OR5AN1: variants seen among roughly 807,000 people sequenced by gnomAD.
The protein encoded by OR5AN1 is olfactory receptor 5AN1.
For synonymous variants in OR5AN1, 167 were observed against 131.8 expected (o/e 1.27, Z -1.83); for missense variants, 476 against 368.9 (o/e 1.29, Z -2.38).
Position 59,365,017 on chromosome 11 carries a change from A to T in OR5AN1, c.559A>T (p.Ile187Phe), listed in dbSNP as rs754429689. The change falls in exon 2 of 2, where the codon ATC becomes TTC. Residue 187 changes from isoleucine to phenylalanine, a missense_variant. Coordinates refer to ENST00000641998, the MANE Select transcript of OR5AN1 (RefSeq NM_001004729.2). Reference sequence around the variant, plus strand: ...CTTCTGTGACATGCCCCAACTGTTAATCTTGTCCTGTACTGACACTTTCTT... The same window carrying T: ...CTTCTGTGACATGCCCCAACTGTTATTCTTGTCCTGTACTGACACTTTCTT... Reference protein sequence around the residue: ...HFFCDMPQLLILSCTDTFFVQ... With the variant: ...HFFCDMPQLLFLSCTDTFFVQ... The T allele has an allele frequency of 3.1e-6, 5 of 1,614,092 alleles. No individual in the cohort carries two copies. The highest frequency in any genetic ancestry group is 1.7e-5 in the Admixed American group (1 of 60,010).
At chr11:59,362,036 A>G (rs1857470557) in intron 1 of OR5AN1, among the ~76,000 whole-genome samples, 1 of 150,848 alleles carries the variant, frequency 6.6e-6, no homozygotes, top group Non-Finnish European at 1.5e-5. Flanking sequence ...AGAGCGGGGG[A>G]TTGGAGAGAG....
chr11:59,362,223 C>G (rs964447468), intron 1 of OR5AN1, among the ~76,000 whole-genome samples: 1 of 152,160 alleles, frequency 6.6e-6, no homozygotes, highest in South Asian at 2.1e-4. Context: ...CTATTTTCCC[C>G]CATTCATCAA....
rs1441363847 is a variant in OR5AN1, at chr11:59,368,003, C to A, written c.*2609C>A. The A allele has an allele frequency of 6.6e-6, 1 of 152,310 alleles. No homozygotes were observed. Among genetic ancestry groups the A allele is most frequent in the Non-Finnish European group, 1.5e-5 (1 of 68,114 alleles). The allele number at this position is 152,310 out of a possible 1,614,324, so 9.4% of individuals were successfully genotyped here. ...ACACAGCACAGCTGTTCTACCAAAA[C>A]GTGGCCAGACTGCTTTTTCAAGTGG... On this transcript the variant is annotated 3_prime_UTR_variant, in exon 2 of 2. Transcript: ENST00000641998.
chr11:59,362,255 T>C (rs997241828), intron 1 of OR5AN1, among the ~76,000 whole-genome samples: 12 of 152,228 alleles, frequency 7.9e-5, no homozygotes, highest in African/African-American at 2.9e-4. Context: ...ATATGCTTTA[T>C]GTAAGAGTTT....
chr11:59,361,965 G>C (rs1220456536), intron 1 of OR5AN1, among the ~76,000 whole-genome samples: 1 of 151,690 alleles, frequency 6.6e-6, no homozygotes, highest in Non-Finnish European at 1.5e-5. Flanking sequence ...TAAATGGTTT[G>C]TAAGGAGTGT....
chr11:59,368,157 C>T lies in OR5AN1; in HGVS notation c.*2763C>T, dbSNP rs1266005525. The T allele has an allele frequency of 6.6e-6, 1 of 152,310 alleles. No individual in the cohort carries two copies. Among genetic ancestry groups the T allele is most frequent in the African/African-American group, 2.4e-5 (1 of 41,456 alleles). The allele number at this position is 152,310 out of a possible 1,614,324, so 9.4% of individuals were successfully genotyped here. A position where few individuals can be genotyped will look rare whatever the true frequency, so the allele number is the denominator to read the frequency against. Reference sequence around the variant, plus strand: ...CAAAGCTCTCAGAGGAAGGGACAAGCCACTGTCTTTGCTGTTTCACAGCCT... The same window carrying T: ...CAAAGCTCTCAGAGGAAGGGACAAGTCACTGTCTTTGCTGTTTCACAGCCT... On this transcript the variant is annotated 3_prime_UTR_variant, in exon 2 of 2. Transcript: ENST00000641998.
Position 59,359,143 on chromosome 11 carries a change from C to CA in OR5AN1, c.-142dup, listed in dbSNP as rs1337747936. 1.3e-5 allele frequency: 2 copies of CA among 152,212 alleles called. No homozygotes were observed. The allele number at this position is 152,212 out of a possible 1,614,324, so 9.4% of individuals were successfully genotyped here. A position where few individuals can be genotyped will look rare whatever the true frequency, so the allele number is the denominator to read the frequency against. ...CACATGGAACAGAGTTTATGGTCCTCAGTCTCTCTCATTCTTCAACTCTTC... is the reference window on the plus strand; with the variant it reads ...CACATGGAACAGAGTTTATGGTCCTCAAGTCTCTCTCATTCTTCAACTCTTC... On this transcript the variant is annotated 5_prime_UTR_variant, in exon 1 of 2. The change abolishes the stop of an existing upstream ORF in the 5' untranslated region. Transcript: ENST00000641998.
rs1236198449 is a variant in OR5AN1 at position 59,370,498 on chromosome 11, T to A, written c.*5104T>A. The A allele has an allele frequency of 1.3e-5, 2 of 152,214 alleles. No individual in the cohort carries two copies. The highest frequency in any genetic ancestry group is 2.9e-5 in the Non-Finnish European group (2 of 68,042). The allele number at this position is 152,214 out of a possible 1,614,324, so 9.4% of individuals were successfully genotyped here. ...TTGTAAAAATTTCTATTCTAACCAA[T>A]TAATGTATGAATTATGTGAAATACC... On this transcript the variant is annotated 3_prime_UTR_variant, in exon 2 of 2. Transcript: ENST00000641998.
Position 59,365,339 on chromosome 11 carries a change from G to T in OR5AN1, c.881G>T (p.Arg294Met). The T allele has an allele frequency of 6.2e-7, 1 of 1,609,682 alleles. No individual in the cohort carries two copies. Residue 294 changes from arginine to methionine, a missense_variant, in exon 2 of 2, where the codon AGG becomes ATG. Coordinates refer to ENST00000641998, the MANE Select transcript of OR5AN1 (RefSeq NM_001004729.2). ...PMLNPLIYSL[R>M]NKEIKDALKR... The stretch of plus-strand genomic sequence containing the variant: ...TTAAATCCCTTGATTTACAGTTTGA[G>T]GAACAAAGAAATTAAAGATGCCTTA...
At position 59,366,669 on chromosome 11, in the gene OR5AN1, A is replaced by G. The variant is rs1041813521; in HGVS notation, c.*1275A>G. On this transcript the variant is annotated 3_prime_UTR_variant, in exon 2 of 2. Coordinates refer to ENST00000641998, the MANE Select transcript of OR5AN1 (RefSeq NM_001004729.2). ...CTCATTTGTAAAATTGAGATATTAT[A>G]TATCTATTTTGGAGTTGTTTAGGAT... The G allele has an allele frequency of 5.3e-5, 8 of 152,232 alleles. No individual in the cohort carries two copies. The highest frequency in any genetic ancestry group is 3.3e-4 in the Admixed American group (5 of 15,284). 9.4% of individuals were successfully genotyped at this position (152,232 alleles called of 1,614,324 possible). A position where few individuals can be genotyped will look rare whatever the true frequency, so the allele number is the denominator to read the frequency against.
intron 1 of OR5AN1, among the ~76,000 whole-genome samples, chr11:59,363,824 A>T (rs1009278482): frequency 2.0e-5 from 3 of 152,184 alleles, no homozygotes; most frequent in African/African-American, 7.2e-5. Flanking sequence ...GAGCAGCAGC[A>T]TGATCTCACC....
rs1857508241 is a variant in OR5AN1 at position 59,364,987 on chromosome 11, C to T, written c.529C>T (p.His177Tyr). 1 of 1,614,044 alleles carries T rather than the reference C, an allele frequency of 6.2e-7. No homozygotes were observed. The highest frequency in any genetic ancestry group is 1.7e-5 in the Admixed American group (1 of 60,000). The change falls in exon 2 of 2, where the codon CAT (histidine) becomes TAT (tyrosine). Residue 177 changes from histidine to tyrosine, a missense_variant. Transcript: ENST00000641998. The part of the protein sequence containing the change: ...LHFCGSNVIR[H>Y]FFCDMPQLLI... ...CTTCTGTGGGTCTAATGTCATCAGA[C>T]ATTTCTTCTGTGACATGCCCCAACT...
chr11:59,365,444 TA>T lies in OR5AN1; in HGVS notation c.*52del. 9.0e-7 allele frequency: 1 copy of T among 1,116,210 alleles called. No individual in the cohort carries two copies. Among genetic ancestry groups the T allele is most frequent in the Non-Finnish European group, 1.3e-6 (1 of 779,384 alleles). The allele number at this position is 1,116,210 out of a possible 1,614,324, so 69.1% of individuals were successfully genotyped here. On this transcript the variant is annotated 3_prime_UTR_variant, in exon 2 of 2. Transcript: ENST00000641998. ...CAGATATGGCCCATCAGAATCTCCC[TA>T]ACCCACAAAATATGATAATGAATGG...
chr11:59,364,491 C>T lies in OR5AN1; in HGVS notation c.33C>T (p.Thr11=), dbSNP rs746759857. 7 of 1,612,320 alleles carry T rather than the reference C, an allele frequency of 4.3e-6. No homozygotes were observed. The highest frequency in any genetic ancestry group is 4.0e-5 in the African/African-American group (3 of 74,878). MTGGGNITEI[T]YFILLGFSDF... ...GGGGAGGAAATATTACAGAAATCAC[C>T]TATTTCATCCTGCTGGGATTCTCAG... The change falls in exon 2 of 2, where the codon ACC becomes ACT. Residue 11 remains threonine, a synonymous_variant. Transcript: ENST00000641998.
chr11:59,366,982 A>G lies in OR5AN1; in HGVS notation c.*1588A>G, dbSNP rs1304613926. ...TACCCCTTAATGTATAAGGTGCCAA[A>G]TTGCTTATTAATATACAAGGTACAT... On this transcript the variant is annotated 3_prime_UTR_variant, in exon 2 of 2. Coordinates refer to ENST00000641998, the MANE Select transcript of OR5AN1 (RefSeq NM_001004729.2). 6.6e-6 allele frequency: 1 copy of G among 152,222 alleles called. No individual in the cohort carries two copies. The highest frequency in any genetic ancestry group is 1.5e-5 in the Non-Finnish European group (1 of 68,042). The allele number at this position is 152,222 out of a possible 1,614,324, so 9.4% of individuals were successfully genotyped here. A position where few individuals can be genotyped will look rare whatever the true frequency, so the allele number is the denominator to read the frequency against.
Position 59,368,202 on chromosome 11 carries a change from GT to G in OR5AN1, c.*2810del, listed in dbSNP as rs1857555986. The G allele has an allele frequency of 6.6e-6, 1 of 152,314 alleles. No homozygotes were observed. The highest frequency in any genetic ancestry group is 2.4e-5 in the African/African-American group (1 of 41,452). 9.4% of individuals were successfully genotyped at this position (152,314 alleles called of 1,614,324 possible). A position where few individuals can be genotyped will look rare whatever the true frequency, so the allele number is the denominator to read the frequency against. Reference sequence around the variant, plus strand: ...CAGCCTTCACTGGTGACACCTCCAGGTTCTGGGAAATCTGAGGTGACCAGGT... The same window carrying G: ...CAGCCTTCACTGGTGACACCTCCAGGTCTGGGAAATCTGAGGTGACCAGGT... On this transcript the variant is annotated 3_prime_UTR_variant, in exon 2 of 2. Coordinates refer to ENST00000641998, the MANE Select transcript of OR5AN1 (RefSeq NM_001004729.2).
At position 59,365,051 on chromosome 11, in the gene OR5AN1, T is replaced by C. The variant is rs1565053427; in HGVS notation, c.593T>C (p.Val198Ala). ...TGTACTGACACTTTCTTTGTACAGG[T>C]CATGACTGCTATATTAACCATGTTC... ...LSCTDTFFVQ[V>A]MTAILTMFFG... The change falls in exon 2 of 2, where the codon GTC becomes GCC. Residue 198 changes from valine to alanine, a missense_variant. Coordinates refer to ENST00000641998, the MANE Select transcript of OR5AN1 (RefSeq NM_001004729.2). 1 of 1,614,076 alleles carries C rather than the reference T, an allele frequency of 6.2e-7. No homozygotes were observed. Among genetic ancestry groups the C allele is most frequent in the Non-Finnish European group, 8.5e-7 (1 of 1,179,922 alleles).
chr11:59,370,810 GT>G lies in OR5AN1; in HGVS notation c.*5418del, dbSNP rs1857586057. On this transcript the variant is annotated 3_prime_UTR_variant, in exon 2 of 2. Transcript: ENST00000641998. ...CAAGTGAATGAACGTGTTAGTCAGA[GT>G]TCTCCAGAGAGACAAAACCAATAGG... The G allele has an allele frequency of 6.6e-6, 1 of 152,194 alleles. No homozygotes were observed. The highest frequency in any genetic ancestry group is 1.9e-4 in the East Asian group (1 of 5,196). The allele number at this position is 152,194 out of a possible 1,614,324, so 9.4% of individuals were successfully genotyped here.
In OR5AN1 at chr11:59,368,693, G is replaced by C. The variant is rs1414694681; in HGVS notation, c.*3299G>C. On this transcript the variant is annotated 3_prime_UTR_variant, in exon 2 of 2. Transcript: ENST00000641998. ...CATCTCTCTGGGGTGGAGCCCCCAG[G>C]AGTCAAACAAATGACCCTTAGCCAC... The C allele has an allele frequency of 2.0e-5, 3 of 152,398 alleles. No homozygotes were observed. The highest frequency in any genetic ancestry group is 1.3e-4 in the Admixed American group (2 of 15,296). The allele number at this position is 152,398 out of a possible 1,614,324, so 9.4% of individuals were successfully genotyped here. A position where few individuals can be genotyped will look rare whatever the true frequency, so the allele number is the denominator to read the frequency against.
Sources: gnomAD v4.1 joint callset for allele counts (sites outside exome capture counted in the v4.1 genomes callset) on GRCh38, gnomAD v4.1.1 for gene constraint, MANE v1.5 for transcripts, NCBI Gene and HGNC (gene_info 2026-07-23, HGNC 2026-07-21) for gene names.